DPH5: variants seen among roughly 807,000 people sequenced by gnomAD.
DPH5 encodes the protein diphthine methyl ester synthase.
Under a neutral mutation model 31.6 loss-of-function variants are expected in DPH5, and 31 were observed. That is an observed-to-expected ratio of 0.98 (90% CI 0.74 to 1.32). The LOEUF is 1.32. DPH5 is among the 40% of genes most tolerant of loss of function. The probability of loss-of-function intolerance (pLI) is 0.00; values close to 1 mark genes in which losing one functional copy is unlikely to be tolerated. For missense variants in DPH5, 309 were observed against 335.7 expected, an observed-to-expected ratio of 0.92 and a Z score of 0.62; for synonymous variants, 120 against 115.0, an observed-to-expected ratio of 1.04 and a Z score of -0.28.
At chr1:100,996,730 GT>G (rs1219960638) in intron 5 of DPH5, among the ~76,000 whole-genome samples, 2 of 140,116 alleles carry the variant, frequency 1.4e-5, no homozygotes, top group Non-Finnish European at 3.2e-5. Context: ...AATGCTTTTT[GT>G]TCTTGGAAAG....
At chr1:101,012,738 TGTCAG>T (rs1480596012) in intron 4 of DPH5, among the ~76,000 whole-genome samples, 8 of 152,304 alleles carry the variant, frequency 5.3e-5, no homozygotes, top group African/African-American at 1.9e-4. Context: ...TGGTGAATAC[TGTCAG>T]GTCAGGTCAA....
chr1:100,992,447 A>T (rs1036672565), intron 7 of DPH5, among the ~76,000 whole-genome samples, 190 bp downstream of exon 7: 1 of 151,646 alleles, frequency 6.6e-6, no homozygotes, highest in Non-Finnish European at 1.5e-5. Context: ...AAGAATGCCA[A>T]TTTTTTTTTC....
chr1:101,012,666 C>T (rs748472265), intron 4 of DPH5, among the ~76,000 whole-genome samples: 1 of 152,136 alleles, frequency 6.6e-6, no homozygotes. Context: ...AAAAAGTATG[C>T]ATTTTGGACA....
At chr1:101,013,929 C>T in intron 3 of DPH5, 111 bp from the exon 4 acceptor site, 2 of 737,768 alleles carry the variant, frequency 2.7e-6, no homozygotes, top group South Asian at 2.2e-5. Flanking sequence ...TGCCTTTCTT[C>T]AAATTCTTCC....
At chr1:101,004,293 C>T (rs1011523790) in intron 4 of DPH5, among the ~76,000 whole-genome samples, 2 of 152,136 alleles carry the variant, frequency 1.3e-5, no homozygotes, top group African/African-American at 4.8e-5. Context: ...GTTTCACAAT[C>T]GAAGGGCTTA....
At chr1:100,999,220 T>A (rs1658648800) in intron 5 of DPH5, among the ~76,000 whole-genome samples, 1 of 149,994 alleles carries the variant, frequency 6.7e-6, no homozygotes, top group South Asian at 2.1e-4. Flanking sequence ...GGGGCCAAGG[T>A]AGGTGGATCG....
intron 4 of DPH5, among the ~76,000 whole-genome samples, chr1:101,008,828 A>AT (rs1397752255): frequency 2.6e-5 from 4 of 152,220 alleles, no homozygotes; most frequent in Non-Finnish European, 5.9e-5. Context: ...TCACATAACA[A>AT]TAACTCTTCC....
chr1:101,006,608 T>A (rs1398400562), intron 4 of DPH5, among the ~76,000 whole-genome samples: 1 of 152,134 alleles, frequency 6.6e-6, no homozygotes, highest in Admixed American at 6.5e-5. Flanking sequence ...GTTCTTTGTA[T>A]TAAGCTAGGG....
intron 4 of DPH5, among the ~76,000 whole-genome samples, chr1:101,011,385 T>C (rs1001533817): frequency 1.3e-5 from 2 of 152,178 alleles, no homozygotes; most frequent in Non-Finnish European, 2.9e-5. Context: ...CCATTTCATA[T>C]CCAGATTAGA....
At chr1:101,021,849 C>CACACAG in intron 2 of DPH5, 84 bp from the exon 3 acceptor site, 1 of 1,319,426 alleles carries the variant, frequency 7.6e-7, no homozygotes, top group Non-Finnish European at 1.0e-6. Flanking sequence ...CACACACACA[C>CACACAG]ACACACACAC....
chr1:101,004,142 A>G (rs1383639982), intron 4 of DPH5, among the ~76,000 whole-genome samples: 1 of 152,234 alleles, frequency 6.6e-6, no homozygotes, highest in Non-Finnish European at 1.5e-5. Context: ...TCACACAAGC[A>G]CTGCTCTCCA....
chr1:100,992,387 T>C (rs1657838560), intron 7 of DPH5, among the ~76,000 whole-genome samples: 1 of 152,174 alleles, frequency 6.6e-6, no homozygotes, highest in African/African-American at 2.4e-5. Context: ...GACTTATGTT[T>C]AATTTGTGAA....
chr1:101,002,017 A>G (rs1437774135), intron 4 of DPH5, among the ~76,000 whole-genome samples: 1 of 152,196 alleles, frequency 6.6e-6, no homozygotes, highest in Non-Finnish European at 1.5e-5. Flanking sequence ...AGCTAGTCAC[A>G]TAGCTAACTA....
At chr1:101,006,392 AAAT>A (rs1659233776) in intron 4 of DPH5, among the ~76,000 whole-genome samples, 1 of 152,230 alleles carries the variant, frequency 6.6e-6, no homozygotes, top group South Asian at 2.1e-4. Context: ...CTATTTAAAA[AAAT>A]AATGATTAGA....
chr1:101,017,560 CT>C (rs1348347704), intron 3 of DPH5, among the ~76,000 whole-genome samples: 1 of 152,218 alleles, frequency 6.6e-6, no homozygotes, highest in East Asian at 1.9e-4. Context: ...TTTTAAAGGC[CT>C]TTTTCCCTCC....
At chr1:100,995,358 C>T (rs1053272111) in intron 5 of DPH5, 4 of 441,254 alleles carry the variant, frequency 9.1e-6, no homozygotes, top group Non-Finnish European at 1.7e-5. Context: ...GGCCCTGAGA[C>T]CATCCTGCTA....
At chr1:101,013,605 A>G in intron 4 of DPH5, 105 bp downstream of exon 4, 1 of 789,394 alleles carries the variant, frequency 1.3e-6, no homozygotes. Context: ...ATCAAATAGT[A>G]GTATGTTTTA....
chr1:101,006,954 T>C (rs569012207), intron 4 of DPH5, among the ~76,000 whole-genome samples: 32 of 152,342 alleles, frequency 2.1e-4, no homozygotes, highest in Middle Eastern at 3.4e-3. Flanking sequence ...TCTGAAATCA[T>C]TGCTACCTGG....
intron 2 of DPH5, 172 bp downstream of exon 2, chr1:101,025,137 A>G: frequency 1.3e-6 from 1 of 761,044 alleles, no homozygotes; most frequent in Non-Finnish European, 2.0e-6. Flanking sequence ...TTTCCAAGTC[A>G]CTTGGTTGGT....
Sources: gnomAD v4.1 joint callset for allele counts (sites outside exome capture counted in the v4.1 genomes callset) on GRCh38, gnomAD v4.1.1 for gene constraint, MANE v1.5 for transcripts, NCBI Gene and HGNC (gene_info 2026-07-23, HGNC 2026-07-21) for gene names.